Variants in GALNT16 observed in about 807,000 individuals in gnomAD.
GALNT16 encodes the protein UDP-GalNAc:polypeptide N-acetylgalactosaminyltransferase-like protein 1.
In GALNT16, 40 loss-of-function variants were observed where a neutral mutation model predicts 76.1. The observed-to-expected ratio is 0.53, with a 90% CI of 0.41 to 0.68. The LOEUF (loss-of-function observed/expected upper bound fraction) is 0.68. Among genes scored for constraint, GALNT16 ranks in the 30% least tolerant of loss-of-function variants. The probability of loss-of-function intolerance (pLI) is 0.00; values close to 1 mark genes in which losing one functional copy is unlikely to be tolerated. For missense variants in GALNT16, 621 were observed against 731.9 expected, an observed-to-expected ratio of 0.85 and a Z score of 1.75; for synonymous variants, 276 against 285.2, an observed-to-expected ratio of 0.97 and a Z score of 0.32.
chr14:69,333,791 A>G lies in GALNT16; in HGVS notation c.967+191A>G, dbSNP rs540099925. On this transcript the variant is annotated intron_variant, in intron 9 of 14. Coordinates refer to ENST00000448469, the MANE Select transcript of GALNT16 (RefSeq NM_001168368.2). The surrounding 1 kb of genome is among the most constrained non-coding windows in gnomAD (Gnocchi z 4.2). ...TTACTGATTTTAAAACCCAAGGCAC[A>G]GAGAAGTTAAGCAATTTGTCCAGAG... The G allele has an allele frequency of 1.8e-6, 1 of 551,332 alleles. No homozygotes were observed. Among genetic ancestry groups the G allele is most frequent in the South Asian group, 2.3e-5 (1 of 43,212 alleles). 34.2% of individuals were successfully genotyped at this position (551,332 alleles called of 1,614,324 possible). A position where few individuals can be genotyped will look rare whatever the true frequency, so the allele number is the denominator to read the frequency against.
chr14:69,306,572 AGATT>A (rs2044937487), intron 1 of GALNT16, among the ~76,000 whole-genome samples: 2 of 152,214 alleles, frequency 1.3e-5, no homozygotes, highest in African/African-American at 2.4e-5. Context: ...GTTAACATTT[AGATT>A]ATTTTCAAAT....
the GALNT16 span, among the ~76,000 whole-genome samples, chr14:69,370,010 G>A: frequency 6.6e-6 from 1 of 152,196 alleles, no homozygotes; most frequent in Non-Finnish European, 1.5e-5. Flanking sequence ...TCAGAGGTGG[G>A]AAATGCCCCC....
At chr14:69,280,582 A>T (rs2044527914) in intron 1 of GALNT16, among the ~76,000 whole-genome samples, 1 of 152,200 alleles carries the variant, frequency 6.6e-6, no homozygotes, top group African/African-American at 2.4e-5. Context: ...CCTGGATCAT[A>T]TGGTAATTCT....
intron 5 of GALNT16, among the ~76,000 whole-genome samples, chr14:69,326,615 TG>T (rs2045288667): frequency 6.6e-6 from 1 of 152,028 alleles, no homozygotes. Flanking sequence ...CAATGGGGTG[TG>T]GGGGCATCAT....
At chr14:69,286,913 AG>A (rs1202506356) in intron 1 of GALNT16, among the ~76,000 whole-genome samples, 1 of 152,236 alleles carries the variant, frequency 6.6e-6, no homozygotes, top group Non-Finnish European at 1.5e-5. Flanking sequence ...GAGTGTGATC[AG>A]GCAGGTCTTG....
intron 1 of GALNT16, among the ~76,000 whole-genome samples, chr14:69,286,813 T>C (rs1012868732): frequency 1.3e-5 from 2 of 152,184 alleles, no homozygotes; most frequent in Admixed American, 1.3e-4. Context: ...GGGATCCAGA[T>C]GGGTGTTCAC....
chr14:69,376,924 T>C, the GALNT16 span, among the ~76,000 whole-genome samples: 1 of 152,186 alleles, frequency 6.6e-6, no homozygotes, highest in Non-Finnish European at 1.5e-5. Flanking sequence ...GTGGCTCTTG[T>C]TGTACATGAA....
chr14:69,381,501 A>G, the GALNT16 span, among the ~76,000 whole-genome samples: 1 of 152,128 alleles, frequency 6.6e-6, no homozygotes, highest in Non-Finnish European at 1.5e-5. Context: ...GCTCCAAAAT[A>G]TCTCTAATCA....
chr14:69,380,913 G>A, the GALNT16 span, among the ~76,000 whole-genome samples: 1 of 152,320 alleles, frequency 6.6e-6, no homozygotes, highest in Non-Finnish European at 1.5e-5. Flanking sequence ...TCTTGACAGA[G>A]TATGACCAGA....
Position 69,261,289 on chromosome 14 carries a change from T to A in GALNT16, c.177+822T>A, listed in dbSNP as rs2044267865. ...GGGGCGTGCGGAGCCGCAGCCGCCC[T>A]GCAGGGGGCGATCCTGTCGCCGTCT... On this transcript the variant is annotated intron_variant, in intron 1 of 14. Coordinates refer to ENST00000448469, the MANE Select transcript of GALNT16 (RefSeq NM_001168368.2). This position sits in a 1 kb window ranked among gnomAD's most constrained non-coding sequence, Gnocchi z 6.4. 6.6e-6 allele frequency among the ~76,000 whole-genome samples: 1 copy of A among 151,956 alleles called. No individual in the cohort carries two copies. The highest frequency in any genetic ancestry group is 1.5e-5 in the Non-Finnish European group (1 of 67,940).
intron 9 of GALNT16, among the ~76,000 whole-genome samples, chr14:69,336,972 C>T (rs2045423519): frequency 6.6e-6 from 1 of 152,188 alleles, no homozygotes; most frequent in Admixed American, 6.5e-5. Flanking sequence ...GGCAATCTGC[C>T]GCCCTCAGCC....
chr14:69,327,362 A>AAAAG (rs775189569), intron 5 of GALNT16, among the ~76,000 whole-genome samples: 53 of 152,118 alleles, frequency 3.5e-4, no homozygotes, highest in Non-Finnish European at 5.9e-4. Context: ...AGTTTCGAAA[A>AAAAG]AAAGAAAGAA....
At chr14:69,260,545 G>C in intron 1 of GALNT16, 78 bp downstream of exon 1, 1 of 1,053,202 alleles carries the variant, frequency 9.5e-7, no homozygotes, top group Non-Finnish European at 1.2e-6. Flanking sequence ...GGCCGAGGGC[G>C]CGGGGCCCGG....
chr14:69,266,829 C>T (rs1478534223), intron 1 of GALNT16, among the ~76,000 whole-genome samples: 3 of 152,332 alleles, frequency 2.0e-5, no homozygotes, highest in East Asian at 1.9e-4. Context: ...GACAGGGTAA[C>T]GACCAGAAAT....
At chr14:69,273,217 C>T (rs2044427948) in intron 1 of GALNT16, among the ~76,000 whole-genome samples, 1 of 151,052 alleles carries the variant, frequency 6.6e-6, no homozygotes, top group East Asian at 2.0e-4. Flanking sequence ...TAAGCTCTTG[C>T]TGTGATGAAA....
intron 1 of GALNT16, among the ~76,000 whole-genome samples, chr14:69,268,672 TG>T (rs143602210): frequency 0.17 from 25,621 of 151,990 alleles, 2,245 homozygotes; most frequent in South Asian, 0.22. Context: ...CATATTCTAG[TG>T]GGGAGAGGGA....
chr14:69,327,650 G>A (rs2045302654), intron 5 of GALNT16, among the ~76,000 whole-genome samples: 1 of 152,216 alleles, frequency 6.6e-6, no homozygotes, highest in South Asian at 2.1e-4. Context: ...GGCATGGCTA[G>A]GGAAATGTCT....
At position 69,333,500 on chromosome 14, in the gene GALNT16, GC is replaced by G; in HGVS notation, c.869del (p.Pro290LeufsTer3). 6.2e-7 allele frequency: 1 copy of G among 1,601,364 alleles called. No homozygotes were observed. Among genetic ancestry groups the G allele is most frequent in the Non-Finnish European group, 8.6e-7 (1 of 1,168,976 alleles). ...TCTTCCCTCTCCTTGCTCCCAGGAC[GC>G]CTGTCATAGCTGGAGGAATCTTCGT... is the stretch of plus-strand genomic sequence containing the variant. The part of the protein sequence containing the change: ...RTDPTRPIRT[P>X]VIAGGIFVID... On this transcript the variant is annotated frameshift_variant, in exon 9 of 15. Coordinates refer to ENST00000448469, the MANE Select transcript of GALNT16 (RefSeq NM_001168368.2). LOFTEE classifies it high-confidence loss of function. This position sits in a 1 kb window ranked among gnomAD's most constrained non-coding sequence, Gnocchi z 4.2.
At chr14:69,323,200 A>G (rs2045229133) in intron 2 of GALNT16, among the ~76,000 whole-genome samples, 1 of 152,214 alleles carries the variant, frequency 6.6e-6, no homozygotes. Context: ...AAAGGGACAT[A>G]AACCACATAA....
Sources: allele counts gnomAD v4.1 joint callset (sites outside exome capture counted in the v4.1 genomes callset), GRCh38; gene constraint gnomAD v4.1.1; non-coding constraint Gnocchi (gnomAD v3.1); transcripts MANE v1.5; gene names NCBI Gene and HGNC (gene_info 2026-07-23, HGNC 2026-07-21).